Variants in KIAA1217 observed in about 807,000 individuals in gnomAD.
The protein encoded by KIAA1217 is KIAA1217.
KIAA1217 carries 88 observed loss-of-function variants against 163.9 expected under a neutral mutation model. The observed-to-expected ratio is 0.54, with a 90% CI of 0.45 to 0.64. The LOEUF (loss-of-function observed/expected upper bound fraction) is 0.64. Ranked by LOEUF, KIAA1217 falls within the 30% of genes least tolerant of loss-of-function variation. KIAA1217 has a pLI of 0.00. For missense variants in KIAA1217, 2,372 were observed against 2,475.0 expected, an observed-to-expected ratio of 0.96 and a Z score of 0.88; for synonymous variants, 903 against 923.1, an observed-to-expected ratio of 0.98 and a Z score of 0.39.
At chr10:24,082,435 C>T (rs571632975) in intron 2 of KIAA1217, among the ~76,000 whole-genome samples, 24 of 152,188 alleles carry the variant, frequency 1.6e-4, no homozygotes, top group South Asian at 6.2e-4. Flanking sequence ...TGTGTTGTTC[C>T]GCTCCCTGTA....
intron 2 of KIAA1217, among the ~76,000 whole-genome samples, chr10:24,369,908 G>T (rs2051332757): frequency 1.3e-5 from 2 of 152,168 alleles, no homozygotes; most frequent in African/African-American, 4.8e-5. Context: ...TACTTTTCTT[G>T]TTTCAGAAAG....
At chr10:23,999,466 C>T (rs1016405426) in intron 1 of KIAA1217, among the ~76,000 whole-genome samples, 3 of 152,178 alleles carry the variant, frequency 2.0e-5, no homozygotes, top group Non-Finnish European at 2.9e-5. Flanking sequence ...GCCACTGCTA[C>T]TTCTACCCTT....
chr10:24,455,350 T>C (rs958802307), intron 5 of KIAA1217, among the ~76,000 whole-genome samples: 1 of 152,164 alleles, frequency 6.6e-6, no homozygotes, highest in Non-Finnish European at 1.5e-5. Flanking sequence ...ATACAGTGAG[T>C]ATATGTGCAA....
intron 2 of KIAA1217, among the ~76,000 whole-genome samples, chr10:24,245,162 A>T (rs906073388): frequency 5.3e-5 from 8 of 152,160 alleles, no homozygotes; most frequent in Non-Finnish European, 1.0e-4. Flanking sequence ...GTCACTTCAT[A>T]GCACTCTTCA....
rs1247450597 is a variant in KIAA1217 at position 23,855,419 on chromosome 10, C to G, written c.-320-151806C>G. ...TGATGGGATTCCCTTTGTGGGTAAC[C>G]CGACCTTTCTGTCTGGCTGCCCTTA... On this transcript the variant is annotated intron_variant, in intron 1 of 18. Transcript: ENST00000376462. Among the ~76,000 whole-genome samples the G allele has an allele frequency of 5.9e-5, 9 of 152,274 alleles. No homozygotes were observed. In the East Asian group the frequency reaches 1.5e-3, roughly 26 times the overall value.
At chr10:24,467,494 T>G (rs1435254838) in intron 5 of KIAA1217, among the ~76,000 whole-genome samples, 1 of 152,218 alleles carries the variant, frequency 6.6e-6, no homozygotes, top group Non-Finnish European at 1.5e-5. Context: ...AATGAACATT[T>G]TCTGTGTCTG....
intron 2 of KIAA1217, among the ~76,000 whole-genome samples, chr10:24,280,844 C>T (rs898952805): frequency 9.3e-5 from 14 of 150,804 alleles, no homozygotes; most frequent in Admixed American, 2.6e-4. Flanking sequence ...CCTAATTATA[C>T]TTCTTCAACT....
intron 1 of KIAA1217, among the ~76,000 whole-genome samples, chr10:23,938,857 A>G (rs1387819724): frequency 6.6e-6 from 1 of 152,222 alleles, no homozygotes; most frequent in Non-Finnish European, 1.5e-5. Flanking sequence ...ACAAGGTATG[A>G]CATTCAATAA....
chr10:24,031,603 G>A (rs1401657505), intron 2 of KIAA1217, among the ~76,000 whole-genome samples: 1 of 152,116 alleles, frequency 6.6e-6, no homozygotes, highest in African/African-American at 2.4e-5. Context: ...CCCAGCCGCT[G>A]AGCATCTTTT....
At chr10:24,351,653 G>C (rs1421412063) in intron 2 of KIAA1217, among the ~76,000 whole-genome samples, 2 of 152,072 alleles carry the variant, frequency 1.3e-5, no homozygotes, top group Admixed American at 6.5e-5. Flanking sequence ...TTCGTTTATG[G>C]ACCCCATTTC....
chr10:24,463,153 GA>G (rs2049307481), intron 5 of KIAA1217, among the ~76,000 whole-genome samples: 1 of 152,218 alleles, frequency 6.6e-6, no homozygotes. Flanking sequence ...GTGTCAGTGA[GA>G]AGGACATTTT....
At chr10:24,324,053 G>A (rs2044538538) in intron 2 of KIAA1217, among the ~76,000 whole-genome samples, 1 of 151,894 alleles carries the variant, frequency 6.6e-6, no homozygotes, top group African/African-American at 2.4e-5. Flanking sequence ...GATTGCTTGA[G>A]GTCATGAGTT....
At chr10:24,321,056 A>C (rs12358743) in intron 2 of KIAA1217, among the ~76,000 whole-genome samples, 31 of 145,968 alleles carry the variant, frequency 2.1e-4, no homozygotes, top group African/African-American at 6.3e-4. Context: ...CAAAAAAAAA[A>C]CAAAAAAAAT....
At chr10:23,755,980 G>T (rs531535680) in intron 1 of KIAA1217, among the ~76,000 whole-genome samples, 5 of 152,028 alleles carry the variant, frequency 3.3e-5, no homozygotes, top group South Asian at 2.1e-4. Flanking sequence ...GGAGACAGGG[G>T]TTTCACTCTG....
At position 24,276,608 on chromosome 10, in the gene KIAA1217, CT is replaced by C. The variant is rs35622932; in HGVS notation, c.354+56716del. 4.2e-3 allele frequency among the ~76,000 whole-genome samples: 584 copies of C among 138,042 alleles called. 2 individuals carry two copies. The highest frequency in any genetic ancestry group is 0.011 in the African/African-American group (399 of 36,346). 90.6% of individuals were successfully genotyped at this position (138,042 alleles called of 152,430 possible). The stretch of plus-strand genomic sequence containing the variant: ...TACTGGCACATGCCATCAAGTCCAG[CT>C]TTTTTTTTTTTTTTTTCTGAGATGG... On this transcript the variant is annotated intron_variant, in intron 2 of 20. Coordinates refer to ENST00000376454, the MANE Select transcript of KIAA1217 (RefSeq NM_019590.5).
chr10:23,809,874 T>C (rs1836913436), intron 1 of KIAA1217, among the ~76,000 whole-genome samples: 1 of 152,092 alleles, frequency 6.6e-6, no homozygotes, highest in East Asian at 1.9e-4. Flanking sequence ...CTTTGACTTA[T>C]GACTTTTTAA....
intron 1 of KIAA1217, among the ~76,000 whole-genome samples, chr10:23,936,085 G>T (rs1417281048): frequency 6.6e-6 from 1 of 152,178 alleles, no homozygotes; most frequent in Non-Finnish European, 1.5e-5. Context: ...GCAGCCTGAG[G>T]ACCTTCTGTT....
chr10:23,742,540 G>T (rs904802989), intron 1 of KIAA1217, among the ~76,000 whole-genome samples: 1 of 152,152 alleles, frequency 6.6e-6, no homozygotes, highest in Admixed American at 6.6e-5. Context: ...GCAGAAGCAG[G>T]CACATCACAT....
intron 1 of KIAA1217, among the ~76,000 whole-genome samples, chr10:23,902,493 AG>A (rs1438607262): frequency 6.6e-6 from 1 of 152,056 alleles, no homozygotes; most frequent in Non-Finnish European, 1.5e-5. Flanking sequence ...GCTCAGGCAA[AG>A]CTTCTTGTTT....
Sources: gnomAD v4.1 joint callset for allele counts (sites outside exome capture counted in the v4.1 genomes callset) on GRCh38, gnomAD v4.1.1 for gene constraint, MANE v1.5 for transcripts, NCBI Gene and HGNC (gene_info 2026-07-23, HGNC 2026-07-21) for gene names.